Variants in ZNF362 observed in about 807,000 individuals in gnomAD.
ZNF362 encodes the protein zinc finger protein 362, also known as rotund homolog.
In ZNF362, 11 loss-of-function variants were observed where a neutral mutation model predicts 42.9. The ratio of observed to expected loss-of-function variants is 0.26; its 90% CI spans 0.16 to 0.42. The LOEUF (loss-of-function observed/expected upper bound fraction) is 0.42, where lower values mean the gene tolerates loss of function less well. ZNF362 is among the 20% of genes least tolerant of loss of function. The pLI is 1.00. For synonymous variants in ZNF362, 255 were observed against 257.3 expected (o/e 0.99, Z 0.09); for missense variants, 362 against 576.2 (o/e 0.63, Z 3.81).
the ZNF362 span, chr1:33,181,199 G>T: frequency 1.9e-6 from 3 of 1,588,732 alleles, no homozygotes; most frequent in East Asian, 4.6e-5. The surrounding 1 kb of genome is among the most constrained non-coding windows in gnomAD (Gnocchi z 6.5). Context: ...CGTCCAGCGG[G>T]AAGGAGCTGT....
At position 33,289,422 on chromosome 1, in the gene ZNF362, C is replaced by G. The variant is rs186748657; in HGVS notation, c.909-5515C>G. On this transcript the variant is annotated intron_variant, in intron 6 of 8. Transcript: ENST00000539719. ...TGACCAGGTCAGAGCCCTGCAGCTT[C>G]AGCCGTGCCGAGGCCTGGCGGAGAG... 1.6e-4 allele frequency among the ~76,000 whole-genome samples: 24 copies of G among 152,202 alleles called. 1 individual carries two copies. Among genetic ancestry groups the G allele is most frequent in the African/African-American group, 5.3e-4 (22 of 41,550 alleles).
chr1:33,280,317 C>T lies in ZNF362; in HGVS notation c.543C>T (p.Gly181=). ...PLLDSIKTIQ[G]HGLLGPPKSE... ...TGGACTCCATCAAGACAATCCAGGG[C>T]CACGGCCTGCTTGGCCCCCCCAAGT... Residue 181 remains glycine (G), a synonymous_variant, in exon 5 of 9, where the codon GGC becomes GGT. Transcript: ENST00000539719. This position sits in a 1 kb window ranked among gnomAD's most constrained non-coding sequence, Gnocchi z 5.6. The T allele has an allele frequency of 1.2e-6, 2 of 1,614,068 alleles. No individual in the cohort carries two copies. Among genetic ancestry groups the T allele is most frequent in the South Asian group, 1.1e-5 (1 of 91,092 alleles).
At chr1:33,258,304 C>A (rs897201744) in intron 1 of ZNF362, among the ~76,000 whole-genome samples, 3 of 152,156 alleles carry the variant, frequency 2.0e-5, no homozygotes, top group African/African-American at 7.2e-5. Context: ...GTCCAAGGCA[C>A]TGGGGCAGTG....
intron 6 of ZNF362, among the ~76,000 whole-genome samples, chr1:33,286,815 G>T (rs1382366922): frequency 6.6e-6 from 1 of 152,122 alleles, no homozygotes; most frequent in East Asian, 1.9e-4. Context: ...AGAGAACCAG[G>T]CATCAGATCA....
the ZNF362 span, among the ~76,000 whole-genome samples, chr1:33,168,104 A>G: frequency 5.9e-5 from 9 of 152,186 alleles, no homozygotes; most frequent in Non-Finnish European, 1.2e-4. Flanking sequence ...TGGCCAGGGA[A>G]GGCTTCTCTG....
chr1:33,231,115 T>C, the ZNF362 span, among the ~76,000 whole-genome samples: 55 of 152,352 alleles, frequency 3.6e-4, no homozygotes, highest in Admixed American at 3.5e-3. Flanking sequence ...GAGATTTGCA[T>C]AATGATCTAT....
At chr1:33,271,698 C>T (rs1645905468) in intron 2 of ZNF362, among the ~76,000 whole-genome samples, 1 of 151,756 alleles carries the variant, frequency 6.6e-6, no homozygotes, top group African/African-American at 2.4e-5. Context: ...GGAGGGAGGG[C>T]GAGTGTGGTA....
the ZNF362 span, among the ~76,000 whole-genome samples, chr1:33,197,649 A>G: frequency 2.0e-5 from 3 of 152,168 alleles, no homozygotes; most frequent in Non-Finnish European, 4.4e-5. Context: ...TTTCCAGGCC[A>G]CAGTACGGGG....
Position 33,280,619 on chromosome 1 carries a change from C to T in ZNF362, c.683+162C>T, listed in dbSNP as rs1272227680. ...GCCTTCTGGAGAGCCCCACCCACAT[C>T]CCAAGTCCCAGTTCGGGGAGGGCTG... On this transcript the variant is annotated intron_variant, in intron 5 of 8. Coordinates refer to ENST00000539719, the MANE Select transcript of ZNF362 (RefSeq NM_152493.3). The surrounding 1 kb of genome is among the most constrained non-coding windows in gnomAD (Gnocchi z 5.6). Among the ~76,000 whole-genome samples the T allele has an allele frequency of 6.6e-6, 1 of 152,158 alleles. No individual in the cohort carries two copies. The highest frequency in any genetic ancestry group is 2.4e-5 in the African/African-American group (1 of 41,448).
chr1:33,193,431 A>G, the ZNF362 span, among the ~76,000 whole-genome samples: 2 of 152,236 alleles, frequency 1.3e-5, no homozygotes, highest in Non-Finnish European at 2.9e-5. Context: ...TTCTATAGAA[A>G]ACAACTCCCA....
At chr1:33,253,379 G>C (rs768957862), upstream of ZNF362, among the ~76,000 whole-genome samples, 2 of 151,270 alleles carry the variant, frequency 1.3e-5, no homozygotes, top group Non-Finnish European at 2.9e-5. Flanking sequence ...TTAAGAAAAT[G>C]TCTAAGCTAA....
chr1:33,144,224 G>A, the ZNF362 span, among the ~76,000 whole-genome samples: 30 of 148,544 alleles, frequency 2.0e-4, no homozygotes, highest in South Asian at 2.4e-3. Flanking sequence ...CGCAACCTCC[G>A]CCTCCCGGGT....
rs1646103966 is a variant in ZNF362, at chr1:33,294,613, G to T, written c.909-324G>T. ...TTGCAATATGTGGTCCGTAGTGTGGGGTTTTCAAAGAGAGGGGCAGCCAAA... is the reference window on the plus strand; with the variant it reads ...TTGCAATATGTGGTCCGTAGTGTGGTGTTTTCAAAGAGAGGGGCAGCCAAA... On this transcript the variant is annotated intron_variant, in intron 6 of 8. Transcript: ENST00000539719. This position sits in a 1 kb window ranked among gnomAD's most constrained non-coding sequence, Gnocchi z 4.2. Among the ~76,000 whole-genome samples, 2 of 152,190 alleles carry T rather than the reference G, an allele frequency of 1.3e-5. No homozygotes were observed. Among genetic ancestry groups the T allele is most frequent in the African/African-American group, 4.8e-5 (2 of 41,448 alleles).
chr1:33,238,381 T>TAAATAAAATAAAATA, the ZNF362 span, among the ~76,000 whole-genome samples: 45 of 105,526 alleles, frequency 4.3e-4, no homozygotes, highest in African/African-American at 1.4e-3. Context: ...TAAAATAAAA[T>TAAATAAAATAAAATA]AAATAAAATA....
chr1:33,251,041 G>A, the ZNF362 span, among the ~76,000 whole-genome samples: 1 of 152,170 alleles, frequency 6.6e-6, no homozygotes, highest in Admixed American at 6.5e-5. Flanking sequence ...GGAGCTGAAA[G>A]AAGTATTTCC....
the ZNF362 span, among the ~76,000 whole-genome samples, chr1:33,245,672 T>C: frequency 6.6e-6 from 1 of 152,316 alleles, no homozygotes; most frequent in Admixed American, 6.5e-5. Flanking sequence ...ATGCAGTAGC[T>C]CATGCCTGTA....
the ZNF362 span, among the ~76,000 whole-genome samples, chr1:33,246,270 G>A: frequency 6.6e-6 from 1 of 152,158 alleles, no homozygotes. Flanking sequence ...AGGGTGGCTG[G>A]GACCAGGCAG....
the ZNF362 span, among the ~76,000 whole-genome samples, chr1:33,220,718 C>T: frequency 6.6e-6 from 1 of 152,150 alleles, no homozygotes; most frequent in African/African-American, 2.4e-5. Flanking sequence ...GCTCTCTGGT[C>T]CTCAGTTTCC....
chr1:33,237,245 A>G, the ZNF362 span, among the ~76,000 whole-genome samples: 3 of 152,208 alleles, frequency 2.0e-5, no homozygotes, highest in Admixed American at 6.5e-5. Flanking sequence ...TTAGAAAAAT[A>G]TTATCTGTTA....
Sources: gnomAD v4.1 joint callset for allele counts (sites outside exome capture counted in the v4.1 genomes callset) on GRCh38, gnomAD v4.1.1 for gene constraint, Gnocchi (gnomAD v3.1) non-coding constraint, MANE v1.5 for transcripts, NCBI Gene and HGNC (gene_info 2026-07-23, HGNC 2026-07-21) for gene names.